TACR3: variants seen among roughly 807,000 people sequenced by gnomAD.
The protein encoded by TACR3 is neuromedin-K receptor.
Under a neutral mutation model 35.0 loss-of-function variants are expected in TACR3, and 34 were observed. The observed-to-expected ratio is 0.97, with a 90% CI of 0.74 to 1.30. TACR3 has a LOEUF of 1.30. TACR3 is among the 50% of genes most tolerant of loss of function. The probability of loss-of-function intolerance (pLI) is 0.00; values close to 1 mark genes in which losing one functional copy is unlikely to be tolerated. For synonymous variants in TACR3, 233 were observed against 221.1 expected (o/e 1.05, Z -0.48); for missense variants, 558 against 591.7 (o/e 0.94, Z 0.59).
chr4:103,688,105 A>C (rs151237348), intron 1 of TACR3, among the ~76,000 whole-genome samples: 122 of 152,098 alleles, frequency 8.0e-4, no homozygotes, highest in African/African-American at 2.5e-3. Context: ...ATATCTACAA[A>C]TATCTGATCT....
chr4:103,658,448 CAG>C (rs1725775957), intron 1 of TACR3, 45 bp from the exon 2 acceptor site: 1 of 1,575,926 alleles, frequency 6.3e-7, no homozygotes, highest in Non-Finnish European at 8.7e-7. Context: ...TTCTTTATAA[CAG>C]AGTTTGAAAT....
intron 1 of TACR3, among the ~76,000 whole-genome samples, chr4:103,700,307 T>C (rs1298595185): frequency 2.0e-5 from 3 of 152,144 alleles, no homozygotes; most frequent in South Asian, 4.1e-4. Flanking sequence ...AGAACACAAC[T>C]GGGCCCACTG....
At chr4:103,692,036 T>C (rs1233257288) in intron 1 of TACR3, among the ~76,000 whole-genome samples, 1 of 152,176 alleles carries the variant, frequency 6.6e-6, no homozygotes, top group African/African-American at 2.4e-5. Context: ...GTGTCTTTAA[T>C]TCCTCTAGGA....
At position 103,719,707 on chromosome 4, in the gene TACR3, C is replaced by G; in HGVS notation, c.-32G>C. The G allele has an allele frequency of 6.2e-7, 1 of 1,603,562 alleles. No individual in the cohort carries two copies. Among genetic ancestry groups the G allele is most frequent in the Non-Finnish European group, 8.5e-7 (1 of 1,179,828 alleles). Reference sequence around the variant, plus strand: ...CGGTCTGCAGTCCCGGACCCTCCCACTCACCCACGGGCAGCCCAAGACGAG... The same window carrying G: ...CGGTCTGCAGTCCCGGACCCTCCCAGTCACCCACGGGCAGCCCAAGACGAG... On this transcript the variant is annotated 5_prime_UTR_variant, in exon 1 of 5. Coordinates refer to ENST00000304883, the MANE Select transcript of TACR3 (RefSeq NM_001059.3).
chr4:103,643,495 T>A (rs1397811491), intron 3 of TACR3, among the ~76,000 whole-genome samples: 1 of 151,612 alleles, frequency 6.6e-6, no homozygotes, highest in East Asian at 1.9e-4. Flanking sequence ...TCTTTGCAGT[T>A]CAAAGTAGTA....
chr4:103,600,068 G>T (rs1487342212), intron 3 of TACR3, among the ~76,000 whole-genome samples: 1 of 152,070 alleles, frequency 6.6e-6, no homozygotes, highest in East Asian at 1.9e-4. Flanking sequence ...GAATTCGGCT[G>T]TGAATCCATC....
In TACR3 at chr4:103,687,291, T is replaced by C. The variant is rs1453978980; in HGVS notation, c.549-28888A>G. Among the ~76,000 whole-genome samples the C allele has an allele frequency of 4.6e-5, 7 of 152,230 alleles. 1 individual carries two copies. The South Asian group carries it at 1.5e-3, about 32-fold the overall frequency. On this transcript the variant is annotated intron_variant, in intron 1 of 4. Coordinates refer to ENST00000304883, the MANE Select transcript of TACR3 (RefSeq NM_001059.3). ...TATGACAAATCCACAGCCAATATCATGCTGAATGGGCAAAAACTGGAAGCA... is the reference window on the plus strand; with the variant it reads ...TATGACAAATCCACAGCCAATATCACGCTGAATGGGCAAAAACTGGAAGCA...
intron 1 of TACR3, among the ~76,000 whole-genome samples, chr4:103,680,512 C>T (rs991200): frequency 0.074 from 10,739 of 145,668 alleles, 1,080 homozygotes; most frequent in African/African-American, 0.23. Context: ...CACACACACA[C>T]ATATATATAT....
At chr4:103,658,435 G>GT in intron 1 of TACR3, 32 bp from the exon 2 acceptor site, 1 of 1,595,864 alleles carries the variant, frequency 6.3e-7, no homozygotes, top group Non-Finnish European at 8.6e-7. Flanking sequence ...CATTTCATTG[G>GT]TTTTCTTTAT....
intron 3 of TACR3, among the ~76,000 whole-genome samples, chr4:103,629,580 C>G (rs745965393): frequency 2.0e-5 from 3 of 152,044 alleles, no homozygotes; most frequent in African/African-American, 4.8e-5. Flanking sequence ...ATCCAACTTA[C>G]AAGGGATGTG....
chr4:103,706,333 T>G (rs1228181965), intron 1 of TACR3, among the ~76,000 whole-genome samples: 1 of 152,140 alleles, frequency 6.6e-6, no homozygotes, highest in African/African-American at 2.4e-5. Context: ...TCTTTGAGTT[T>G]TAAGCCAAAT....
chr4:103,650,738 C>A (rs1187593773), intron 3 of TACR3, among the ~76,000 whole-genome samples: 12 of 66,878 alleles, frequency 1.8e-4, no homozygotes, highest in Middle Eastern at 8.2e-3. Context: ...TATATTATAT[C>A]ATATATAATA....
At position 103,719,881 on chromosome 4, in the gene TACR3, G is replaced by A; in HGVS notation, c.-206C>T. ...CAGCTGCACTTTCTCAGAGGCGCTT[G>A]CGGCTCTGGCAGGCAGAAAGAATGA... On this transcript the variant is annotated 5_prime_UTR_variant, in exon 1 of 5. Coordinates refer to ENST00000304883, the MANE Select transcript of TACR3 (RefSeq NM_001059.3). 1 of 632,542 alleles carries A rather than the reference G, an allele frequency of 1.6e-6. No individual in the cohort carries two copies. Among genetic ancestry groups the A allele is most frequent in the Non-Finnish European group, 2.7e-6 (1 of 366,878 alleles). 39.2% of individuals were successfully genotyped at this position (632,542 alleles called of 1,614,324 possible). A position where few individuals can be genotyped will look rare whatever the true frequency, so the allele number is the denominator to read the frequency against.
intron 3 of TACR3, among the ~76,000 whole-genome samples, chr4:103,618,994 AGAG>A (rs556794149): frequency 2.6e-5 from 4 of 151,922 alleles, no homozygotes; most frequent in Non-Finnish European, 4.4e-5. Flanking sequence ...GCCTTTTGGC[AGAG>A]TCTTTAGGAT....
intron 1 of TACR3, among the ~76,000 whole-genome samples, chr4:103,715,332 G>T (rs1242810014): frequency 1.3e-5 from 2 of 152,058 alleles, no homozygotes; most frequent in Non-Finnish European, 1.5e-5. Context: ...TGTGAGATCT[G>T]GTTGTTCAGA....
intron 3 of TACR3, among the ~76,000 whole-genome samples, chr4:103,600,945 G>A (rs1047357431): frequency 6.6e-6 from 1 of 152,112 alleles, no homozygotes; most frequent in African/African-American, 2.4e-5. Context: ...TGTTGATTTG[G>A]GGTGGAGATT....
chr4:103,614,361 C>T (rs13136214), intron 3 of TACR3, among the ~76,000 whole-genome samples: 33,349 of 151,938 alleles, frequency 0.22, 3,855 homozygotes, highest in Middle Eastern at 0.33. Context: ...AGCCAAAAAA[C>T]TGACAGATTT....
intron 3 of TACR3, among the ~76,000 whole-genome samples, chr4:103,634,736 A>C (rs1355396485): frequency 6.6e-6 from 1 of 152,100 alleles, no homozygotes; most frequent in East Asian, 1.9e-4. Context: ...TTAGCAATTA[A>C]TCTTAAAACA....
At chr4:103,672,969 T>C (rs1487364666) in intron 1 of TACR3, among the ~76,000 whole-genome samples, 1 of 152,220 alleles carries the variant, frequency 6.6e-6, no homozygotes, top group Non-Finnish European at 1.5e-5. Flanking sequence ...AGATGGCTTC[T>C]TTCCTTATAC....
Sources: gnomAD v4.1 joint callset for allele counts (sites outside exome capture counted in the v4.1 genomes callset) on GRCh38, gnomAD v4.1.1 for gene constraint, MANE v1.5 for transcripts, NCBI Gene and HGNC (gene_info 2026-07-23, HGNC 2026-07-21) for gene names.